SMAD3: variants seen among roughly 807,000 people sequenced by gnomAD.
SMAD3 encodes SMAD family member 3, also known as MAD homolog 3.
Under a neutral mutation model 51.8 loss-of-function variants are expected in SMAD3, and 12 were observed. The observed-to-expected ratio is 0.23, with a 90% CI of 0.15 to 0.38. SMAD3 has a LOEUF of 0.38. Ranked by LOEUF, SMAD3 falls within the 10% of genes least tolerant of loss-of-function variation. SMAD3 has a pLI of 1.00. For synonymous variants in SMAD3, 238 were observed against 227.7 expected (o/e 1.05, Z -0.41); for missense variants, 294 against 565.6 (o/e 0.52, Z 4.87).
rs775905689 is a variant in SMAD3, at chr15:67,193,322, T to A, written c.*2786T>A. 1.7e-4 allele frequency: 39 copies of A among 233,338 alleles called. No individual in the cohort carries two copies. Among genetic ancestry groups the A allele is most frequent in the Non-Finnish European group, 2.1e-4 (25 of 118,072 alleles). 14.5% of individuals were successfully genotyped at this position (233,338 alleles called of 1,614,324 possible). On this transcript the variant is annotated 3_prime_UTR_variant, in exon 9 of 9. Transcript: ENST00000327367. ...CTGCCCTGGGCTCCCCGCCATGACA[T>A]CTTCACCTTGCAGCTTGTGCTGAGA... is the stretch of plus-strand genomic sequence containing the variant.
rs564468805 is a variant in SMAD3, at chr15:67,130,370, C to T, written c.207-34525C>T. ...GGGGCCGTGGACTGATACCCGTGTGCGGCCTGTTAGGAACCGGGTCTCGTA... is the reference window on the plus strand; with the variant it reads ...GGGGCCGTGGACTGATACCCGTGTGTGGCCTGTTAGGAACCGGGTCTCGTA... On this transcript the variant is annotated intron_variant, in intron 1 of 8. Transcript: ENST00000327367. 1.1e-4 allele frequency among the ~76,000 whole-genome samples: 17 copies of T among 152,288 alleles called. No individual in the cohort carries two copies. The South Asian group carries it at 3.1e-3, about 28-fold the overall frequency.
intron 1 of SMAD3, among the ~76,000 whole-genome samples, chr15:67,107,706 G>C (rs929406010): frequency 3.9e-5 from 6 of 152,148 alleles, no homozygotes; most frequent in Non-Finnish European, 8.8e-5. Flanking sequence ...GCCCCATACT[G>C]TTGCCCTCAC....
chr15:67,126,743 C>T (rs1961399147), intron 1 of SMAD3, among the ~76,000 whole-genome samples: 1 of 152,218 alleles, frequency 6.6e-6, no homozygotes, highest in African/African-American at 2.4e-5. Context: ...GAGTATGTCT[C>T]TTCCTCAGCT....
chr15:67,173,159 C>T (rs1962798172), intron 5 of SMAD3, among the ~76,000 whole-genome samples: 1 of 152,156 alleles, frequency 6.6e-6, no homozygotes, highest in Admixed American at 6.5e-5. Flanking sequence ...GGCGTCTCCT[C>T]TGTATCCATG....
At chr15:67,074,308 A>C (rs1218462433) in intron 1 of SMAD3, among the ~76,000 whole-genome samples, 1 of 152,232 alleles carries the variant, frequency 6.6e-6, no homozygotes, top group Non-Finnish European at 1.5e-5. Flanking sequence ...TAAGAACAGG[A>C]AGTTTACTTA....
At chr15:67,174,747 A>G (rs1962844116) in intron 5 of SMAD3, among the ~76,000 whole-genome samples, 1 of 152,246 alleles carries the variant, frequency 6.6e-6, no homozygotes, top group Admixed American at 6.5e-5. Context: ...GGGACATCTC[A>G]GGACATCTGA....
chr15:67,086,077 C>G (rs1227614580), intron 1 of SMAD3, among the ~76,000 whole-genome samples: 1 of 150,660 alleles, frequency 6.6e-6, no homozygotes, highest in Non-Finnish European at 1.5e-5. Context: ...TGCTCAGAAA[C>G]TCACAGTACA....
chr15:67,185,430 T>A (rs1004717614), intron 7 of SMAD3, among the ~76,000 whole-genome samples: 2 of 152,030 alleles, frequency 1.3e-5, no homozygotes. Context: ...AGGGAGGGCA[T>A]TCTAGACAGG....
At chr15:67,156,787 A>T (rs558802507) in intron 1 of SMAD3, among the ~76,000 whole-genome samples, 1 of 80,838 alleles carries the variant, frequency 1.2e-5, no homozygotes, top group East Asian at 3.7e-4. Context: ...GGCCCAGCCT[A>T]TGGGGCAGTA....
At chr15:67,138,010 C>A in intron 1 of SMAD3, 1 of 1,548,214 alleles carries the variant, frequency 6.5e-7, no homozygotes, top group South Asian at 1.2e-5. Context: ...TCCCTGTGAC[C>A]TCCCAACTTC....
At chr15:67,157,589 T>G (rs1325973094) in intron 1 of SMAD3, among the ~76,000 whole-genome samples, 1 of 152,250 alleles carries the variant, frequency 6.6e-6, no homozygotes, top group Admixed American at 6.5e-5. Context: ...TTTCTGGAAC[T>G]TATGTGCTGT....
intron 1 of SMAD3, among the ~76,000 whole-genome samples, chr15:67,101,379 A>G (rs1182342723): frequency 1.3e-5 from 2 of 152,204 alleles, no homozygotes; most frequent in Non-Finnish European, 2.9e-5. Context: ...ATATTTACGT[A>G]TGGGAGTCAA....
intron 1 of SMAD3, among the ~76,000 whole-genome samples, chr15:67,080,781 G>A (rs1960264370): frequency 6.6e-6 from 1 of 152,228 alleles, no homozygotes; most frequent in Admixed American, 6.5e-5. Flanking sequence ...ACGTGGCCCC[G>A]AATAACCCCT....
At chr15:67,122,750 G>C (rs941376498) in intron 1 of SMAD3, among the ~76,000 whole-genome samples, 1 of 152,078 alleles carries the variant, frequency 6.6e-6, no homozygotes, top group Non-Finnish European at 1.5e-5. Flanking sequence ...TAAGGAATAG[G>C]GCTTTGGGAT....
At chr15:67,090,735 T>G (rs1417664694) in intron 1 of SMAD3, among the ~76,000 whole-genome samples, 1 of 152,066 alleles carries the variant, frequency 6.6e-6, no homozygotes, top group African/African-American at 2.4e-5. Context: ...TTACTGCAGT[T>G]CCCCTCCCCA....
At chr15:67,138,289 C>T (rs549822023) in intron 1 of SMAD3, 76 of 551,084 alleles carry the variant, frequency 1.4e-4, no homozygotes, top group East Asian at 1.3e-3. Flanking sequence ...GCAGAGGCGT[C>T]GCTCAGGGCC....
intron 1 of SMAD3, among the ~76,000 whole-genome samples, chr15:67,086,380 C>T (rs1484823070): frequency 2.0e-5 from 3 of 152,174 alleles, no homozygotes; most frequent in Non-Finnish European, 4.4e-5. Context: ...TCAGTATCTA[C>T]AGCCTAAGAA....
chr15:67,153,309 T>C (rs1348065901), intron 1 of SMAD3, among the ~76,000 whole-genome samples: 2 of 152,014 alleles, frequency 1.3e-5, no homozygotes, highest in Non-Finnish European at 1.5e-5. Flanking sequence ...CTGGCCAATA[T>C]TGTGAAACCC....
chr15:67,074,914 G>A (rs1315926129), intron 1 of SMAD3, among the ~76,000 whole-genome samples: 1 of 152,116 alleles, frequency 6.6e-6, no homozygotes. Flanking sequence ...CACTGTGTAT[G>A]GCTTTGCCTT....
Sources: gnomAD v4.1 joint callset for allele counts (sites outside exome capture counted in the v4.1 genomes callset) on GRCh38, gnomAD v4.1.1 for gene constraint, MANE v1.5 for transcripts, NCBI Gene and HGNC (gene_info 2026-07-23, HGNC 2026-07-21) for gene names.